LDLRAD4: variants seen among roughly 807,000 people sequenced by gnomAD.
LDLRAD4 encodes low-density lipoprotein receptor class A domain-containing protein 4.
In LDLRAD4, 5 loss-of-function variants were observed where a neutral mutation model predicts 17.0. The observed-to-expected ratio is 0.29, with a 90% CI of 0.15 to 0.62. The LOEUF is 0.62. Ranked by LOEUF, LDLRAD4 falls within the 20% of genes least tolerant of loss-of-function variation. LDLRAD4 has a pLI of 0.84. For synonymous variants in LDLRAD4, 168 were observed against 171.8 expected (o/e 0.98, Z 0.17); for missense variants, 340 against 424.7 (o/e 0.80, Z 1.75).
At chr18:13,328,992 T>C (rs1226734735) in intron 1 of LDLRAD4, among the ~76,000 whole-genome samples, 3 of 152,218 alleles carry the variant, frequency 2.0e-5, no homozygotes, top group Non-Finnish European at 1.5e-5. Flanking sequence ...TCCTCACATA[T>C]CAGTTCACAG....
At chr18:13,429,307 G>A (rs994534797) in intron 2 of LDLRAD4, among the ~76,000 whole-genome samples, 1 of 152,226 alleles carries the variant, frequency 6.6e-6, no homozygotes, top group Non-Finnish European at 1.5e-5. Context: ...TCAGAAATTA[G>A]ACACAGTGAG....
chr18:13,585,132 A>G (rs1269481481), intron 3 of LDLRAD4, among the ~76,000 whole-genome samples: 2 of 152,178 alleles, frequency 1.3e-5, no homozygotes, highest in African/African-American at 4.8e-5. Flanking sequence ...GGTCAAATGC[A>G]CTCGACATGA....
intron 2 of LDLRAD4, among the ~76,000 whole-genome samples, chr18:13,428,824 G>T (rs1254228509): frequency 2.0e-5 from 3 of 152,308 alleles, no homozygotes; most frequent in Non-Finnish European, 4.4e-5. Flanking sequence ...TACTGGGGGA[G>T]TGACTTTGGG....
At chr18:13,590,406 C>G (rs910871711) in intron 3 of LDLRAD4, among the ~76,000 whole-genome samples, 1 of 152,088 alleles carries the variant, frequency 6.6e-6, no homozygotes, top group African/African-American at 2.4e-5. Context: ...GGAGAGCCCA[C>G]TCATACGTAG....
At chr18:13,285,167 CAG>C (rs1385559584) in intron 1 of LDLRAD4, among the ~76,000 whole-genome samples, 2 of 152,170 alleles carry the variant, frequency 1.3e-5, no homozygotes, top group Non-Finnish European at 2.9e-5. Context: ...GGCACTGGGA[CAG>C]TGTTTGTAAG....
chr18:13,360,173 C>G (rs1480900169), intron 1 of LDLRAD4, among the ~76,000 whole-genome samples: 1 of 152,210 alleles, frequency 6.6e-6, no homozygotes, highest in African/African-American at 2.4e-5. Context: ...GCTTGGGACC[C>G]AGGCTTCTGA....
At chr18:13,418,980 GA>G (rs1182059872) in intron 2 of LDLRAD4, among the ~76,000 whole-genome samples, 2 of 152,182 alleles carry the variant, frequency 1.3e-5, no homozygotes, top group Non-Finnish European at 2.9e-5. Context: ...CTAGGACACA[GA>G]ATACTTCATG....
intron 3 of LDLRAD4, chr18:13,612,454 C>CT: frequency 1.5e-6 from 2 of 1,291,136 alleles, no homozygotes; most frequent in Non-Finnish European, 2.0e-6. Flanking sequence ...TAGCCACAGT[C>CT]TGCGGTCGGA....
intron 2 of LDLRAD4, among the ~76,000 whole-genome samples, chr18:13,422,666 C>G (rs2089596823): frequency 6.6e-6 from 1 of 152,200 alleles, no homozygotes; most frequent in Non-Finnish European, 1.5e-5. Context: ...TCACTACACT[C>G]CAGCCTGGGT....
At chr18:13,244,292 A>G (rs867475740) in intron 1 of LDLRAD4, among the ~76,000 whole-genome samples, 3 of 150,244 alleles carry the variant, frequency 2.0e-5, no homozygotes, top group Admixed American at 6.6e-5. Flanking sequence ...CCATCCATCT[A>G]TTCATCCATT....
intron 3 of LDLRAD4, among the ~76,000 whole-genome samples, chr18:13,545,085 A>G (rs1026830174): frequency 2.6e-5 from 4 of 152,102 alleles, no homozygotes; most frequent in African/African-American, 9.7e-5. Flanking sequence ...GGTGCTCCCC[A>G]GAAGGTCCTC....
chr18:13,529,884 G>C (rs2094101860), intron 3 of LDLRAD4, among the ~76,000 whole-genome samples: 2 of 152,140 alleles, frequency 1.3e-5, no homozygotes, highest in Non-Finnish European at 2.9e-5. Flanking sequence ...GGTGGAAGAG[G>C]TTCCGTTTTG....
intron 3 of LDLRAD4, among the ~76,000 whole-genome samples, chr18:13,527,617 A>G (rs1027657343): frequency 1.3e-5 from 2 of 152,134 alleles, no homozygotes; most frequent in African/African-American, 4.8e-5. Flanking sequence ...CCCCTCTAGG[A>G]AATTTGTTAG....
At chr18:13,302,936 C>A (rs557472218) in intron 1 of LDLRAD4, among the ~76,000 whole-genome samples, 1 of 152,352 alleles carries the variant, frequency 6.6e-6, no homozygotes, top group South Asian at 2.1e-4. Context: ...TGGAGCCCGA[C>A]CTGCTGCTGA....
intron 4 of LDLRAD4, among the ~76,000 whole-genome samples, chr18:13,624,691 C>A (rs1365011319): frequency 1.3e-5 from 2 of 152,226 alleles, no homozygotes; most frequent in Non-Finnish European, 2.9e-5. Flanking sequence ...AAGTTCCCCG[C>A]CTTCCCCATC....
intron 3 of LDLRAD4, among the ~76,000 whole-genome samples, chr18:13,554,349 C>T (rs1164898950): frequency 2.0e-5 from 3 of 150,862 alleles, no homozygotes; most frequent in Non-Finnish European, 4.4e-5. Flanking sequence ...GTTGTTTTTA[C>T]GTGTTTTTCT....
chr18:13,577,329 G>A lies in LDLRAD4; in HGVS notation c.182-43788G>A, dbSNP rs77986339. The stretch of plus-strand genomic sequence containing the variant: ...ATGTTCAGCAGCTTTTGAGAACTGA[G>A]AGAATGGAGGATTGAGGACCCTGCA... On this transcript the variant is annotated intron_variant, in intron 3 of 5. Coordinates refer to ENST00000359446, the Ensembl canonical transcript of LDLRAD4. 0.019 allele frequency among the ~76,000 whole-genome samples: 2,927 copies of A among 152,304 alleles called. 254 individuals carry two copies. The East Asian group carries it at 0.25, about 13-fold the overall frequency.
intron 3 of LDLRAD4, among the ~76,000 whole-genome samples, chr18:13,518,766 T>C (rs1295904384): frequency 6.6e-6 from 1 of 152,230 alleles, no homozygotes; most frequent in Non-Finnish European, 1.5e-5. Flanking sequence ...TTCGGTGTTT[T>C]TGACTCACCC....
At chr18:13,437,017 G>A (rs907085318) in intron 2 of LDLRAD4, among the ~76,000 whole-genome samples, 4 of 152,220 alleles carry the variant, frequency 2.6e-5, no homozygotes, top group Non-Finnish European at 4.4e-5. Flanking sequence ...ATTGTCTTGC[G>A]GGCCACAGTT....
Sources: gnomAD v4.1 joint callset for allele counts (sites outside exome capture counted in the v4.1 genomes callset) on GRCh38, gnomAD v4.1.1 for gene constraint, MANE v1.5 for transcripts, NCBI Gene and HGNC (gene_info 2026-07-23, HGNC 2026-07-21) for gene names.